FRRS1: variants seen among roughly 807,000 people sequenced by gnomAD.
The protein encoded by FRRS1 is ferric chelate reductase 1, also known as ferric reductase 1.
FRRS1 carries 51 observed loss-of-function variants against 70.7 expected under a neutral mutation model. The observed-to-expected ratio is 0.72, with a 90% CI of 0.58 to 0.91. The LOEUF is 0.91. FRRS1 is among the 40% of genes least tolerant of loss of function. FRRS1 has a pLI of 0.00. For missense variants in FRRS1, 672 were observed against 726.0 expected (o/e 0.93, Z 0.86); for synonymous variants, 225 against 238.7 (o/e 0.94, Z 0.53).
At chr1:99,749,775 C>G (rs113913430) in intron 1 of FRRS1, among the ~76,000 whole-genome samples, 9 of 152,240 alleles carry the variant, frequency 5.9e-5, no homozygotes, top group African/African-American at 1.9e-4. Flanking sequence ...TACCTCAGTC[C>G]CACACTCTTG....
chr1:99,713,829 T>A (rs1192131541), intron 12 of FRRS1, among the ~76,000 whole-genome samples: 1 of 152,126 alleles, frequency 6.6e-6, no homozygotes, highest in African/African-American at 2.4e-5. Context: ...GTAAATTATA[T>A]GAAATGGCAT....
chr1:99,719,723 C>A, intron 9 of FRRS1, 76 bp from the exon 10 acceptor site: 1 of 764,830 alleles, frequency 1.3e-6, no homozygotes, highest in Non-Finnish European at 2.3e-6. Context: ...GAGATACGGG[C>A]AGGGCATGGC....
chr1:99,753,871 C>G (rs372831064), intron 1 of FRRS1, among the ~76,000 whole-genome samples: 1 of 152,076 alleles, frequency 6.6e-6, no homozygotes, highest in African/African-American at 2.4e-5. Context: ...AGGAAACAGA[C>G]CCTATTATGT....
At chr1:99,723,015 G>A (rs61782961) in intron 9 of FRRS1, among the ~76,000 whole-genome samples, 9,170 of 152,090 alleles carry the variant, frequency 0.06, 389 homozygotes, top group Non-Finnish European at 0.086. Context: ...TTTAGAAAAC[G>A]TATGAAAAAC....
At chr1:99,728,090 A>G (rs1655155897) in intron 9 of FRRS1, among the ~76,000 whole-genome samples, 1 of 152,206 alleles carries the variant, frequency 6.6e-6, no homozygotes, top group South Asian at 2.1e-4. Flanking sequence ...TGAGATTCAT[A>G]TTGGGCAAGT....
intron 13 of FRRS1, 46 bp from the exon 14 acceptor site, chr1:99,712,209 A>AATTATAGTTCCATTGCTTT: frequency 1.6e-6 from 2 of 1,287,474 alleles, no homozygotes; most frequent in Non-Finnish European, 2.2e-6. Context: ...CAATGGAACT[A>AATTATAGTTCCATTGCTTT]TAATTAATTC....
intron 1 of FRRS1, among the ~76,000 whole-genome samples, chr1:99,751,007 A>C (rs1400132721): frequency 6.6e-6 from 1 of 152,236 alleles, no homozygotes; most frequent in Non-Finnish European, 1.5e-5. Flanking sequence ...AGAGGTTAGC[A>C]TCCCAGTCAG....
chr1:99,726,336 A>G (rs1655078338), intron 9 of FRRS1, among the ~76,000 whole-genome samples: 5 of 152,230 alleles, frequency 3.3e-5, no homozygotes, highest in Admixed American at 3.3e-4. Context: ...TAAATTACCC[A>G]GTCTCGGGTA....
In FRRS1 at chr1:99,705,370, AG is replaced by A. The variant is rs1446256944; in HGVS notation, c.*3657del. Among the ~76,000 whole-genome samples, 2 of 152,254 alleles carry A rather than the reference AG, an allele frequency of 1.3e-5. No individual in the cohort carries two copies. The highest frequency in any genetic ancestry group is 2.9e-5 in the Non-Finnish European group (2 of 68,046). ...AGGAAGAAAGAAGCAGGATGTGGAT[AG>A]GAACTGTGAATATCCTAATCTGATT... On this transcript the variant is annotated 3_prime_UTR_variant, in exon 17 of 17. Coordinates refer to ENST00000646001, the MANE Select transcript of FRRS1 (RefSeq NM_001361041.2).
intron 1 of FRRS1, among the ~76,000 whole-genome samples, chr1:99,763,675 C>A (rs916528495): frequency 6.6e-6 from 1 of 151,978 alleles, no homozygotes; most frequent in African/African-American, 2.4e-5. Flanking sequence ...TCGAGACCAG[C>A]CTGACCAACA....
Position 99,705,507 on chromosome 1 carries a change from T to C in FRRS1, c.*3521A>G, listed in dbSNP as rs1010162155. Among the ~76,000 whole-genome samples, 1 of 152,146 alleles carries C rather than the reference T, an allele frequency of 6.6e-6. No individual in the cohort carries two copies. Reference sequence around the variant, plus strand: ...TGCCTCATGAGAATATACAGATAAATAGAATTTCAGCCAAACACTACATGT... The same window carrying C: ...TGCCTCATGAGAATATACAGATAAACAGAATTTCAGCCAAACACTACATGT... On this transcript the variant is annotated 3_prime_UTR_variant, in exon 17 of 17. Transcript: ENST00000646001.
chr1:99,721,188 G>A (rs1654803734), intron 9 of FRRS1, among the ~76,000 whole-genome samples: 1 of 152,032 alleles, frequency 6.6e-6, no homozygotes, highest in Non-Finnish European at 1.5e-5. Flanking sequence ...AGACCAGCCT[G>A]GCCAAGATGG....
At chr1:99,731,997 A>G (rs1020873837) in intron 7 of FRRS1, among the ~76,000 whole-genome samples, 1 of 152,216 alleles carries the variant, frequency 6.6e-6, no homozygotes, top group East Asian at 1.9e-4. Flanking sequence ...CATGTTTTCT[A>G]TAATATCCAT....
rs139491444 is a variant in FRRS1 at position 99,747,402 on chromosome 1, G to A, written c.225C>T (p.Gly75=). 3 of 1,612,976 alleles carry A rather than the reference G, an allele frequency of 1.9e-6. No homozygotes were observed. Among genetic ancestry groups the A allele is most frequent in the Non-Finnish European group, 1.7e-6 (2 of 1,179,482 alleles). Residue 75 remains glycine (G), a synonymous_variant, in exon 4 of 17, where the codon GGC becomes GGT. Transcript: ENST00000646001. ...CAGCATTACGCGCTTCTAGGAGAAA[G>A]CCTTTAAATGGATGCCCTGACAAAG... ...EVTLSGHPFK[G]FLLEARNAED... is the part of the protein sequence containing the mutation.
intron 9 of FRRS1, among the ~76,000 whole-genome samples, chr1:99,720,848 C>T (rs1258916748): frequency 6.7e-6 from 1 of 148,392 alleles, no homozygotes; most frequent in Non-Finnish European, 1.5e-5. Context: ...CACACACACA[C>T]ACACACACAC....
intron 1 of FRRS1, chr1:99,765,224 GT>G: frequency 6.6e-6 from 1 of 152,330 alleles, no homozygotes; most frequent in Non-Finnish European, 1.5e-5. Context: ...AAAGGTCTTT[GT>G]TTTCAATAAG....
rs765321254 is a variant in FRRS1, at chr1:99,705,515, C to G, written c.*3513G>C. ...GAGAATATACAGATAAATAGAATTTCAGCCAAACACTACATGTGCCCTGAG... is the reference window on the plus strand; with the variant it reads ...GAGAATATACAGATAAATAGAATTTGAGCCAAACACTACATGTGCCCTGAG... On this transcript the variant is annotated 3_prime_UTR_variant, in exon 17 of 17. Transcript: ENST00000646001. Among the ~76,000 whole-genome samples, 3 of 152,158 alleles carry G rather than the reference C, an allele frequency of 2.0e-5. No homozygotes were observed. Among genetic ancestry groups the G allele is most frequent in the Non-Finnish European group, 4.4e-5 (3 of 68,030 alleles).
At chr1:99,720,747 A>T (rs1038557477) in intron 9 of FRRS1, among the ~76,000 whole-genome samples, 2 of 152,012 alleles carry the variant, frequency 1.3e-5, no homozygotes, top group African/African-American at 4.8e-5. Context: ...AAGATGTATA[A>T]CAATAAAGAT....
chr1:99,717,547 T>G, intron 10 of FRRS1, 22 bp from the exon 11 acceptor site: 1 of 1,468,256 alleles, frequency 6.8e-7, no homozygotes, highest in Non-Finnish European at 9.5e-7. Context: ...ATAAATGCAA[T>G]AGTAGACAAT....
Sources: gnomAD v4.1 joint callset for allele counts (sites outside exome capture counted in the v4.1 genomes callset) on GRCh38, gnomAD v4.1.1 for gene constraint, MANE v1.5 for transcripts, NCBI Gene and HGNC (gene_info 2026-07-23, HGNC 2026-07-21) for gene names.